GALNT1: variants seen among roughly 807,000 people sequenced by gnomAD.
The protein encoded by GALNT1 is GalNAc transferase 1.
A neutral mutation model predicts 65.7 loss-of-function variants in GALNT1; 17 were observed. The observed-to-expected ratio is 0.26, with a 90% confidence interval of 0.18 to 0.39. GALNT1 has a LOEUF of 0.39. GALNT1 is among the 10% of genes least tolerant of loss of function. The pLI, the probability that GALNT1 is intolerant of heterozygous loss-of-function variation, is 1.00. For synonymous variants in GALNT1, 210 were observed against 219.7 expected, an observed-to-expected ratio of 0.96 and a Z score of 0.39; for missense variants, 460 against 672.8, an observed-to-expected ratio of 0.68 and a Z score of 3.50.
At chr18:35,698,697 G>A (rs2048103500) in intron 9 of GALNT1, among the ~76,000 whole-genome samples, 1 of 151,946 alleles carries the variant, frequency 6.6e-6, no homozygotes, top group Non-Finnish European at 1.5e-5. Flanking sequence ...AGCCAACACG[G>A]CCAGGCGCCG....
Position 35,710,886 on chromosome 18 carries a change from C to T in GALNT1, c.*1116C>T, listed in dbSNP as rs2048342215. ...TGATGGTTTTTTGGAAAACCTTTTT[C>T]ACTCCATACTCAGATATGCTTCATT... is the stretch of plus-strand genomic sequence containing the variant. On this transcript the variant is annotated 3_prime_UTR_variant, in exon 12 of 12. Coordinates refer to ENST00000269195, the MANE Select transcript of GALNT1 (RefSeq NM_020474.4). 2 of 152,558 alleles carry T rather than the reference C, an allele frequency of 1.3e-5. No individual in the cohort carries two copies. The highest frequency in any genetic ancestry group is 2.9e-5 in the Non-Finnish European group (2 of 68,028). The allele number at this position is 152,558 out of a possible 1,614,324, so 9.5% of individuals were successfully genotyped here.
At chr18:35,603,021 G>A (rs2469448) in intron 1 of GALNT1, among the ~76,000 whole-genome samples, 97,873 of 152,138 alleles carry the variant, frequency 0.64, 32,479 homozygotes, top group African/African-American at 0.8. Context: ...GCAGTTGACT[G>A]TAATTTTCAT....
chr18:35,584,841 C>T (rs764287101), intron 1 of GALNT1, among the ~76,000 whole-genome samples: 3 of 152,162 alleles, frequency 2.0e-5, no homozygotes, highest in Admixed American at 6.5e-5. Context: ...CAGTAATGCT[C>T]GCTTGCCCAC....
intron 1 of GALNT1, among the ~76,000 whole-genome samples, chr18:35,633,709 T>A (rs1877059252): frequency 6.6e-6 from 1 of 152,024 alleles, no homozygotes; most frequent in Admixed American, 6.6e-5. Context: ...AAAAAAATTA[T>A]GTTGATTGGA....
intron 4 of GALNT1, among the ~76,000 whole-genome samples, chr18:35,681,281 T>C (rs966862140): frequency 6.6e-6 from 1 of 152,172 alleles, no homozygotes; most frequent in Non-Finnish European, 1.5e-5. Context: ...TATAATCTCT[T>C]AACTCATGGC....
At chr18:35,706,260 C>G (rs2048257072) in intron 11 of GALNT1, among the ~76,000 whole-genome samples, 1 of 152,102 alleles carries the variant, frequency 6.6e-6, no homozygotes, top group African/African-American at 2.4e-5. Flanking sequence ...CCTGTAATCC[C>G]AGCACTTTGG....
At chr18:35,634,313 C>T (rs2047061297) in intron 1 of GALNT1, among the ~76,000 whole-genome samples, 1 of 152,120 alleles carries the variant, frequency 6.6e-6, no homozygotes, top group Admixed American at 6.6e-5. Flanking sequence ...GAAATTTGAA[C>T]TCATTTGAAT....
intron 4 of GALNT1, among the ~76,000 whole-genome samples, chr18:35,682,963 A>G (rs886223584): frequency 4.6e-5 from 7 of 151,426 alleles, no homozygotes; most frequent in African/African-American, 1.7e-4. Flanking sequence ...CAACAAGACA[A>G]TTTGTTTGTG....
chr18:35,622,738 G>A (rs2046869776), intron 1 of GALNT1, among the ~76,000 whole-genome samples: 1 of 150,298 alleles, frequency 6.7e-6, no homozygotes, highest in African/African-American at 2.5e-5. Flanking sequence ...TTGTTGTACT[G>A]CGCTAGATAG....
At chr18:35,705,382 A>G (rs767767102) in intron 11 of GALNT1, among the ~76,000 whole-genome samples, 9 of 152,162 alleles carry the variant, frequency 5.9e-5, no homozygotes, top group Non-Finnish European at 1.0e-4. Context: ...TCTTTTCTCC[A>G]CTATTAGATT....
intron 3 of GALNT1, among the ~76,000 whole-genome samples, chr18:35,676,805 AT>A (rs2047717509): frequency 6.6e-6 from 1 of 152,198 alleles, no homozygotes; most frequent in East Asian, 1.9e-4. Context: ...ATAGGCTGTT[AT>A]CTAGTAATTT....
intron 3 of GALNT1, among the ~76,000 whole-genome samples, chr18:35,667,418 T>C (rs2047565315): frequency 6.6e-6 from 1 of 152,136 alleles, no homozygotes; most frequent in African/African-American, 2.4e-5. Context: ...CATTTCTAAA[T>C]ATTTCAATAT....
intron 3 of GALNT1, among the ~76,000 whole-genome samples, chr18:35,674,704 C>T (rs1431520628): frequency 2.6e-5 from 4 of 152,244 alleles, no homozygotes; most frequent in South Asian, 2.1e-4. Context: ...CATAAACTGG[C>T]GGAGTGCAGT....
intron 3 of GALNT1, among the ~76,000 whole-genome samples, chr18:35,674,900 G>A (rs1218898004): frequency 2.7e-5 from 4 of 148,884 alleles, no homozygotes; most frequent in East Asian, 2.0e-4. Context: ...GGAGAATGGC[G>A]TGAACCCGGG....
intron 1 of GALNT1, among the ~76,000 whole-genome samples, chr18:35,604,027 T>C (rs1364235582): frequency 6.6e-6 from 1 of 152,178 alleles, no homozygotes; most frequent in Non-Finnish European, 1.5e-5. Context: ...TCATCACCCA[T>C]GTAGTGAGCA....
chr18:35,632,965 A>G (rs1441281989), intron 1 of GALNT1, among the ~76,000 whole-genome samples: 2 of 152,264 alleles, frequency 1.3e-5, no homozygotes, highest in Non-Finnish European at 2.9e-5. Flanking sequence ...ACTGGCCATC[A>G]GAGAAATGCA....
intron 4 of GALNT1, among the ~76,000 whole-genome samples, chr18:35,682,509 C>T (rs1470629437): frequency 2.0e-5 from 3 of 152,134 alleles, no homozygotes; most frequent in African/African-American, 7.2e-5. Context: ...GGCATTTGGC[C>T]ATATTACCAC....
chr18:35,638,739 A>T (rs994546099), intron 1 of GALNT1, among the ~76,000 whole-genome samples: 4 of 152,180 alleles, frequency 2.6e-5, no homozygotes, highest in African/African-American at 9.7e-5. Context: ...ATAGACAGTG[A>T]TTCCTTTGGT....
chr18:35,615,732 A>G (rs983088502), intron 1 of GALNT1, among the ~76,000 whole-genome samples: 12 of 152,238 alleles, frequency 7.9e-5, no homozygotes, highest in African/African-American at 2.9e-4. Flanking sequence ...AAAACAGTTA[A>G]TGGCAGAAGA....
Sources: allele counts gnomAD v4.1 joint callset (sites outside exome capture counted in the v4.1 genomes callset), GRCh38; gene constraint gnomAD v4.1.1; transcripts MANE v1.5; gene names NCBI Gene and HGNC (gene_info 2026-07-23, HGNC 2026-07-21).